Variants in EVPLL observed in about 807,000 individuals in gnomAD.
EVPLL encodes envoplakin like, also known as envoplakin-like protein.
Under a neutral mutation model 46.2 loss-of-function variants are expected in EVPLL, and 39 were observed. That is an observed-to-expected ratio of 0.84 (90% confidence interval 0.65 to 1.10). EVPLL has a LOEUF of 1.10. EVPLL is among the 50% of genes least tolerant of loss of function. EVPLL has a pLI of 0.00. For synonymous variants in EVPLL, 156 were observed against 165.8 expected, an observed-to-expected ratio of 0.94 and a Z score of 0.46; for missense variants, 385 against 412.6, an observed-to-expected ratio of 0.93 and a Z score of 0.58.
Position 18,381,134 on chromosome 17 carries a change from C to T in EVPLL, c.63+134C>T. On this transcript the variant is annotated intron_variant, in intron 2 of 10. Coordinates refer to ENST00000399134, the MANE Select transcript of EVPLL (RefSeq NM_001145127.2). The surrounding 1 kb of genome is among the most constrained non-coding windows in gnomAD (Gnocchi z 4.2). ...ACAGATGACATTTGTCCTGCACCGCCTGTCCCCTAACACACGGTGGGAGAG... is the reference window on the plus strand; with the variant it reads ...ACAGATGACATTTGTCCTGCACCGCTTGTCCCCTAACACACGGTGGGAGAG... 8.0e-7 allele frequency: 1 copy of T among 1,247,794 alleles called. No individual in the cohort carries two copies. 77.3% of individuals were successfully genotyped at this position (1,247,794 alleles called of 1,614,324 possible).
At chr17:18,388,550 A>G (rs1253224453) in intron 10 of EVPLL, 1 of 260,434 alleles carries the variant, frequency 3.8e-6, no homozygotes, top group Non-Finnish European at 7.6e-6. Context: ...GTGTGAGGCC[A>G]CATCACTGCC....
intron 1 of EVPLL, chr17:18,380,168 C>G (rs1314070654): frequency 6.6e-6 from 1 of 152,356 alleles, no homozygotes; most frequent in Non-Finnish European, 1.5e-5. Flanking sequence ...GTGACCTCCA[C>G]AGAGTGACTG....
rs1269774419 is a variant in EVPLL at position 18,382,789 on chromosome 17, C to T, written c.473-37C>T. The T allele has an allele frequency of 7.5e-6, 12 of 1,606,284 alleles. No individual in the cohort carries two copies. The South Asian group carries it at 1.0e-4, about 13-fold the overall frequency. On this transcript the variant is annotated intron_variant, in intron 5 of 10. Coordinates refer to ENST00000399134, the MANE Select transcript of EVPLL (RefSeq NM_001145127.2). ...TAGGGGGCCGTCTCCCTGTGCCCCA[C>T]CTCTCACGGGCTTGTTTCTCCCCTT...
chr17:18,385,934 T>C (rs78985911), intron 9 of EVPLL, among the ~76,000 whole-genome samples: 6 of 152,156 alleles, frequency 3.9e-5, no homozygotes, highest in Admixed American at 3.9e-4. Flanking sequence ...GATCCCATAG[T>C]GCACTTTGGG....
chr17:18,381,934 G>A lies in EVPLL; in HGVS notation c.346+204G>A, dbSNP rs903532940. 1.5e-5 allele frequency: 12 copies of A among 777,724 alleles called. No individual in the cohort carries two copies. Among genetic ancestry groups the A allele is most frequent in the Middle Eastern group, 3.8e-4 (1 of 2,634 alleles). The allele number at this position is 777,724 out of a possible 1,614,324, so 48.2% of individuals were successfully genotyped here. On this transcript the variant is annotated intron_variant, in intron 4 of 10. Transcript: ENST00000399134. The surrounding 1 kb of genome is among the most constrained non-coding windows in gnomAD (Gnocchi z 4.2). ...GAAGAGACCTCAGAGGGGTGAGAGG[G>A]CTCGGTTGGGTCAGGGTGAAGTAGT... is the stretch of plus-strand genomic sequence containing the variant.
chr17:18,381,696 A>G lies in EVPLL; in HGVS notation c.312A>G (p.Gln104=). Residue 104 remains glutamine (Q), a synonymous_variant, in exon 4 of 11, where the codon CAA becomes CAG. Coordinates refer to ENST00000399134, the MANE Select transcript of EVPLL (RefSeq NM_001145127.2). The surrounding 1 kb of genome is among the most constrained non-coding windows in gnomAD (Gnocchi z 4.2). ...KMVLPPRRGI[Q]GRLGTRAGAE... is the part of the protein sequence containing the mutation. ...TGCTGCCGCCCCGACGTGGGATCCA[A>G]GGTCGACTGGGCACACGTGCTGGAG... 2 of 1,614,198 alleles carry G rather than the reference A, an allele frequency of 1.2e-6. No individual in the cohort carries two copies. Among genetic ancestry groups the G allele is most frequent in the Non-Finnish European group, 1.7e-6 (2 of 1,180,028 alleles).
In EVPLL at chr17:18,380,951, C is replaced by A. The variant is rs1227372259; in HGVS notation, c.14C>A (p.Ala5Asp). 16 of 1,595,560 alleles carry A rather than the reference C, an allele frequency of 1.0e-5. No homozygotes were observed. Among genetic ancestry groups the A allele is most frequent in the Admixed American group, 3.5e-5 (2 of 57,514 alleles). MQAS[A>D]DQVERDILET... Reference sequence around the variant, plus strand: ...CTCATCTCCCACATGCAAGCCAGCGCCGACCAGGTGGAGCGGGACATCCTG... The same window carrying A: ...CTCATCTCCCACATGCAAGCCAGCGACGACCAGGTGGAGCGGGACATCCTG... The change falls in exon 2 of 11, where the codon GCC becomes GAC. Residue 5 changes from alanine to aspartate, a missense_variant. Ala to Asp is a moderately radical substitution (Grantham distance 126, BLOSUM62 -2). Transcript: ENST00000399134.
rs376700277 is a variant in EVPLL at position 18,382,699 on chromosome 17, G to A, written c.472+61G>A. 14 of 1,553,390 alleles carry A rather than the reference G, an allele frequency of 9.0e-6. No homozygotes were observed. The African/African-American group carries it at 1.6e-4, about 18-fold the overall frequency. ...GCCCCAGCCCCTGTTTTTCCAGTCA[G>A]AGCCGGAGCTAGATCGGCTGGGCCC... On this transcript the variant is annotated intron_variant, in intron 5 of 10. Transcript: ENST00000399134.
intron 1 of EVPLL, chr17:18,380,110 CT>C (rs1190114851): frequency 6.6e-6 from 1 of 152,248 alleles, no homozygotes; most frequent in East Asian, 1.9e-4. Flanking sequence ...AGGCACTGTG[CT>C]CATAAGGCTT....
chr17:18,385,370 G>T (rs1191854031), intron 9 of EVPLL, among the ~76,000 whole-genome samples: 2 of 95,242 alleles, frequency 2.1e-5, no homozygotes, highest in African/African-American at 9.1e-5. Flanking sequence ...TCCCAAGGAA[G>T]CTTGTGACCT....
At chr17:18,382,316 A>C in intron 4 of EVPLL, 197 bp from the exon 5 acceptor site, 1 of 535,268 alleles carries the variant, frequency 1.9e-6, no homozygotes. Flanking sequence ...CCACTGCAGA[A>C]TGGCCTCTGC....
Position 18,381,209 on chromosome 17 carries a change from C to A in EVPLL, c.64-158C>A. Reference sequence around the variant, plus strand: ...GGCTCCCCTGTGTCTTTGTCACCTGCCTCATGGACGCCCTGGGCCTGACCC... The same window carrying A: ...GGCTCCCCTGTGTCTTTGTCACCTGACTCATGGACGCCCTGGGCCTGACCC... On this transcript the variant is annotated intron_variant, in intron 2 of 10. Transcript: ENST00000399134. This position sits in a 1 kb window ranked among gnomAD's most constrained non-coding sequence, Gnocchi z 4.2. 1 of 1,304,020 alleles carries A rather than the reference C, an allele frequency of 7.7e-7. No homozygotes were observed. Among genetic ancestry groups the A allele is most frequent in the Non-Finnish European group, 1.0e-6 (1 of 967,552 alleles). The allele number at this position is 1,304,020 out of a possible 1,614,324, so 80.8% of individuals were successfully genotyped here.
intron 1 of EVPLL, 123 bp from the exon 2 acceptor site, chr17:18,380,779 T>G: frequency 1.2e-6 from 1 of 802,686 alleles, no homozygotes; most frequent in Non-Finnish European, 2.0e-6. Flanking sequence ...GACCCCAAAG[T>G]CAGGGCAGTG....
Position 18,381,842 on chromosome 17 carries a change from G to A in EVPLL, c.346+112G>A, listed in dbSNP as rs1249124703. 3.9e-6 allele frequency: 6 copies of A among 1,532,238 alleles called. No homozygotes were observed. The African/African-American group carries it at 4.1e-5, about 10-fold the overall frequency. The allele number at this position is 1,532,238 out of a possible 1,614,324, so 94.9% of individuals were successfully genotyped here. A position where few individuals can be genotyped will look rare whatever the true frequency, so the allele number is the denominator to read the frequency against. ...GTCAGTGTATAGTGGTGTCTCAGGG[G>A]TCTGGGCAGGGAGACAGCAGAGGAG... On this transcript the variant is annotated intron_variant, in intron 4 of 10. Transcript: ENST00000399134. This position sits in a 1 kb window ranked among gnomAD's most constrained non-coding sequence, Gnocchi z 4.2.
rs1435602420 is a variant in EVPLL, at chr17:18,380,152, G to C, written c.-36-750G>C. ...AATCTGCCCTCTTTTAGGTCTGCTT[G>C]GCCTTGTGACCTCCACAGAGTGACT... On this transcript the variant is annotated intron_variant, in intron 1 of 10. Coordinates refer to ENST00000399134, the MANE Select transcript of EVPLL (RefSeq NM_001145127.2). 4 of 152,238 alleles carry C rather than the reference G, an allele frequency of 2.6e-5. No individual in the cohort carries two copies. The East Asian group carries it at 7.7e-4, about 29-fold the overall frequency. The allele number at this position is 152,238 out of a possible 1,614,324, so 9.4% of individuals were successfully genotyped here.
In EVPLL at chr17:18,381,935, C is replaced by T. The variant is rs190299812; in HGVS notation, c.346+205C>T. The T allele has an allele frequency of 5.8e-5, 45 of 777,442 alleles. No homozygotes were observed. The African/African-American group carries it at 6.3e-4, about 11-fold the overall frequency. The allele number at this position is 777,442 out of a possible 1,614,324, so 48.2% of individuals were successfully genotyped here. ...AAGAGACCTCAGAGGGGTGAGAGGG[C>T]TCGGTTGGGTCAGGGTGAAGTAGTG... On this transcript the variant is annotated intron_variant, in intron 4 of 10. Coordinates refer to ENST00000399134, the MANE Select transcript of EVPLL (RefSeq NM_001145127.2). The surrounding 1 kb of genome is among the most constrained non-coding windows in gnomAD (Gnocchi z 4.2).
chr17:18,387,682 ATGACAACAC>A (rs1987813124), intron 9 of EVPLL, among the ~76,000 whole-genome samples: 2 of 152,108 alleles, frequency 1.3e-5, no homozygotes. Context: ...GCCTGACCTC[ATGACAACAC>A]TGACCTTCGT....
intron 1 of EVPLL, 126 bp downstream of exon 1, chr17:18,378,109 G>A (rs570409268): frequency 3.0e-5 from 11 of 366,262 alleles, no homozygotes; most frequent in Middle Eastern, 5.5e-4. Flanking sequence ...TTGGTGTCCC[G>A]AGGACAAAGG....
rs1987587481 is a variant in EVPLL, at chr17:18,381,787, T to A, written c.346+57T>A. 4 of 1,612,124 alleles carry A rather than the reference T, an allele frequency of 2.5e-6. No individual in the cohort carries two copies. The South Asian group carries it at 4.4e-5, about 18-fold the overall frequency. On this transcript the variant is annotated intron_variant, in intron 4 of 10. Coordinates refer to ENST00000399134, the MANE Select transcript of EVPLL (RefSeq NM_001145127.2). This position sits in a 1 kb window ranked among gnomAD's most constrained non-coding sequence, Gnocchi z 4.2. ...TCAGAGGGTGATACGGAACTGCATT[T>A]AACCCAGGGCCTGACTGTAGGCTTG...
Sources: gnomAD v4.1 joint callset for allele counts (sites outside exome capture counted in the v4.1 genomes callset) on GRCh38, gnomAD v4.1.1 for gene constraint, Gnocchi (gnomAD v3.1) non-coding constraint, MANE v1.5 for transcripts, NCBI Gene and HGNC (gene_info 2026-07-23, HGNC 2026-07-21) for gene names.